The following NAA10 variants were observed in gnomAD, a reference collection of about 807,000 sequenced individuals.
NAA10 encodes N-alpha-acetyltransferase 10.
Under a neutral mutation model 19.2 loss-of-function variants are expected in NAA10, and 6 were observed. The observed-to-expected ratio is 0.31, with a 90% confidence interval of 0.17 to 0.62. The LOEUF is 0.62. NAA10 is among the 20% of genes least tolerant of loss of function. The pLI is 0.83. For synonymous variants in NAA10, 97 were observed against 79.9 expected, an observed-to-expected ratio of 1.21 and a Z score of -1.14; for missense variants, 101 against 198.4, an observed-to-expected ratio of 0.51 and a Z score of 2.95.
rs989669280 is a variant in NAA10 at position 153,929,328 on chromosome X, G to C, written c.*659C>G. 7 of 112,216 alleles carry C rather than the reference G, an allele frequency of 6.2e-5. No individual in the cohort carries two copies. Among genetic ancestry groups the C allele is most frequent in the African/African-American group, 2.3e-4 (7 of 30,732 alleles). 9.2% of individuals were successfully genotyped at this position (112,216 alleles called of 1,213,427 possible). A position where few individuals can be genotyped will look rare whatever the true frequency, so the allele number is the denominator to read the frequency against. ...CAAAATGTCAATGGGGAAACGCGGG[G>C]AATTGTACTAAAAATAAATTATTTT... On this transcript the variant is annotated 3_prime_UTR_variant, in exon 8 of 8. Coordinates refer to ENST00000464845, the MANE Select transcript of NAA10 (RefSeq NM_003491.4).
intron 6 of NAA10, chrX:153,931,774 C>T (rs782437912): frequency 1.4e-4 from 151 of 1,041,471 alleles, no homozygotes; most frequent in Middle Eastern, 7.9e-4. Flanking sequence ...CTCTCTATTC[C>T]CAAACATTAC....
chrX:153,932,017 T>G (rs377387813), intron 6 of NAA10, 54 bp downstream of exon 6: 1 of 1,211,969 alleles, frequency 8.3e-7, no homozygotes. Flanking sequence ...GGTGCCCTGA[T>G]GGGCCAGACC....
intron 5 of NAA10, 56 bp from the exon 6 acceptor site, chrX:153,932,171 A>G: frequency 8.3e-7 from 1 of 1,198,892 alleles, no homozygotes; most frequent in Non-Finnish European, 1.1e-6. Context: ...GAGGGGTAGC[A>G]CGTCCAGGTC....
chrX:153,934,654 C>G (rs2148536894), intron 1 of NAA10, 179 bp from the exon 2 acceptor site: 1 of 568,193 alleles, frequency 1.8e-6, no homozygotes, highest in South Asian at 2.6e-5. Context: ...CCCGGAGGTC[C>G]CCGGAGCCCA....
At chrX:153,933,895 G>A in intron 3 of NAA10, 48 bp downstream of exon 3, 1 of 1,075,351 alleles carries the variant, frequency 9.3e-7, no homozygotes, top group Non-Finnish European at 1.3e-6. Context: ...GCCCACAGAG[G>A]CATCCACCAG....
chrX:153,933,783 G>A, intron 3 of NAA10, 160 bp downstream of exon 3: 1 of 461,525 alleles, frequency 2.2e-6, no homozygotes, highest in Non-Finnish European at 3.8e-6. Context: ...GGCAGGGAGG[G>A]GATGCTGAGG....
chrX:153,934,431 C>T lies in NAA10; in HGVS notation c.66G>A (p.Leu22=). The T allele has an allele frequency of 8.3e-7, 1 of 1,208,721 alleles. No homozygotes were observed. The highest frequency in any genetic ancestry group is 1.1e-6 in the Non-Finnish European group (1 of 893,681). ...AGTATTTCATCTGGTAGTTCTCGGG[C>T]AGGCAGAGGAGGTTGCAGTGCTGCA... ...MNMQHCNLLC[L]PENYQMKYYF... is the part of the protein sequence containing the mutation. The change falls in exon 2 of 8, where the codon CTG becomes CTA. Residue 22 remains leucine, a synonymous_variant. Coordinates refer to ENST00000464845, the MANE Select transcript of NAA10 (RefSeq NM_003491.4).
At chrX:153,934,815 G>C in intron 1 of NAA10, 69 bp downstream of exon 1, 1 of 945,406 alleles carries the variant, frequency 1.1e-6, no homozygotes, top group African/African-American at 2.0e-5. Flanking sequence ...GGGCCCTCGG[G>C]AGCATGCGCG....
intron 3 of NAA10, chrX:153,933,663 C>T (rs1225106097): frequency 4.3e-6 from 1 of 233,411 alleles, no homozygotes; most frequent in Non-Finnish European, 7.7e-6. Context: ...CAGGGCAAGA[C>T]TCCGTCTCAA....
Position 153,933,993 on chromosome X carries a change from G to A in NAA10, c.129C>T (p.Tyr43=). Reference sequence around the variant, plus strand: ...TCTTCCCATTCTCGTCCTCAGCAATGTAAGAGAGCTGGTGACAGGAAAACA... The same window carrying A: ...TCTTCCCATTCTCGTCCTCAGCAATATAAGAGAGCTGGTGACAGGAAAACA... ...YHGLSWPQLS[Y]IAEDENGKIV... Residue 43 remains tyrosine (Y), a synonymous_variant, in exon 3 of 8, where the codon TAC becomes TAT. Transcript: ENST00000464845. 8.3e-7 allele frequency: 1 copy of A among 1,210,317 alleles called. No homozygotes were observed. The highest frequency in any genetic ancestry group is 3.0e-5 in the East Asian group (1 of 33,850).
chrX:153,929,887 C>T lies in NAA10; in HGVS notation c.*100G>A. 1 of 702,447 alleles carries T rather than the reference C, an allele frequency of 1.4e-6. No individual in the cohort carries two copies. Among genetic ancestry groups the T allele is most frequent in the Non-Finnish European group, 2.3e-6 (1 of 443,625 alleles). 57.9% of individuals were successfully genotyped at this position (702,447 alleles called of 1,213,427 possible). A position where few individuals can be genotyped will look rare whatever the true frequency, so the allele number is the denominator to read the frequency against. On this transcript the variant is annotated 3_prime_UTR_variant, in exon 8 of 8. Coordinates refer to ENST00000464845, the MANE Select transcript of NAA10 (RefSeq NM_003491.4). ...CCCCACCAGAGGACCTGGAGAAACA[C>T]ACCCTCTAAATGTGCGCGCGCTCAC...
Position 153,929,721 on chromosome X carries a change from G to C in NAA10, c.*266C>G. Reference sequence around the variant, plus strand: ...TGGCCAAGCAGACCTCCAAGGCAGGGTCTCTCCCATAAGTCCAGGGCCTCC... The same window carrying C: ...TGGCCAAGCAGACCTCCAAGGCAGGCTCTCTCCCATAAGTCCAGGGCCTCC... On this transcript the variant is annotated 3_prime_UTR_variant, in exon 8 of 8. Coordinates refer to ENST00000464845, the MANE Select transcript of NAA10 (RefSeq NM_003491.4). 1 of 411,220 alleles carries C rather than the reference G, an allele frequency of 2.4e-6. No individual in the cohort carries two copies. Among genetic ancestry groups the C allele is most frequent in the East Asian group, 4.1e-5 (1 of 24,539 alleles). The allele number at this position is 411,220 out of a possible 1,213,427, so 33.9% of individuals were successfully genotyped here.
Position 153,931,910 on chromosome X carries a change from C to T in NAA10, c.386+161G>A, listed in dbSNP as rs184562691. 1.6e-4 allele frequency: 190 copies of T among 1,161,186 alleles called. No individual in the cohort carries two copies. In the African/African-American group the frequency reaches 2.1e-3, roughly 13 times the overall value. On this transcript the variant is annotated intron_variant, in intron 6 of 7. Coordinates refer to ENST00000464845, the MANE Select transcript of NAA10 (RefSeq NM_003491.4). The stretch of plus-strand genomic sequence containing the variant: ...TGCCGGCTTTTCAACCATCAGCCGC[C>T]GAGTGAATGTGGAGGTATCCTGGCA...
chrX:153,932,869 CTTTTT>C (rs1206002752), intron 3 of NAA10: 2 of 362,501 alleles, frequency 5.5e-6, no homozygotes, highest in Admixed American at 4.7e-5. Flanking sequence ...CTGGACAACA[CTTTTT>C]TTTGTCTCTA....
rs781847154 is a variant in NAA10, at chrX:153,931,105, G to T, written c.387-258C>A. 1.2e-5 allele frequency: 13 copies of T among 1,067,559 alleles called. No individual in the cohort carries two copies. In the East Asian group the frequency reaches 4.6e-4, roughly 37 times the overall value. The allele number at this position is 1,067,559 out of a possible 1,213,427, so 88.0% of individuals were successfully genotyped here. ...TAAGGATCCATTTCTGCGGTTTCTT[G>T]TGAGCTGAAGCCCTGAATTCAGCCT... On this transcript the variant is annotated intron_variant, in intron 6 of 7. Coordinates refer to ENST00000464845, the MANE Select transcript of NAA10 (RefSeq NM_003491.4).
At position 153,935,006 on chromosome X, in the gene NAA10, T is replaced by A; in HGVS notation, c.-102A>T. On this transcript the variant is annotated 5_prime_UTR_variant, in exon 1 of 8. Transcript: ENST00000464845. The stretch of plus-strand genomic sequence containing the variant: ...GGACGGCCGGGGCTGGGACCGGAGC[T>A]GGGCTCGCTGGGCGACGGCGGAAGG... 1 of 773,715 alleles carries A rather than the reference T, an allele frequency of 1.3e-6. No individual in the cohort carries two copies. The highest frequency in any genetic ancestry group is 2.2e-5 in the African/African-American group (1 of 45,053). The allele number at this position is 773,715 out of a possible 1,213,427, so 63.8% of individuals were successfully genotyped here. A position where few individuals can be genotyped will look rare whatever the true frequency, so the allele number is the denominator to read the frequency against.
At chrX:153,933,819 T>C (rs2065180793) in intron 3 of NAA10, 124 bp downstream of exon 3, 3 of 612,171 alleles carry the variant, frequency 4.9e-6, no homozygotes, top group Non-Finnish European at 7.9e-6. Flanking sequence ...CCATGTCCTT[T>C]CTGTTCAATT....
chrX:153,931,222 G>A (rs1312360906), intron 6 of NAA10: 6 of 927,103 alleles, frequency 6.5e-6, no homozygotes, highest in Non-Finnish European at 8.1e-6. Flanking sequence ...CCCTGCCTGA[G>A]CAGCTCTGGG....
At chrX:153,932,873 T>C in intron 3 of NAA10, 1 of 361,835 alleles carries the variant, frequency 2.8e-6, no homozygotes, top group Non-Finnish European at 4.9e-6. Context: ...ACAACACTTT[T>C]TTTTGTCTCT....
Sources: gnomAD v4.1 joint callset for allele counts on GRCh38, gnomAD v4.1.1 for gene constraint, MANE v1.5 for transcripts, NCBI Gene and HGNC (gene_info 2026-07-23, HGNC 2026-07-21) for gene names.